The following PISD variants were observed in gnomAD, a reference collection of about 807,000 sequenced individuals.
PISD encodes the protein phosphatidylserine decarboxylase.
PISD carries 31 observed loss-of-function variants against 43.5 expected under a neutral mutation model. The observed-to-expected ratio is 0.71, with a 90% CI of 0.54 to 0.96. PISD has a LOEUF of 0.96. Ranked by LOEUF, PISD falls within the 40% of genes least tolerant of loss-of-function variation. The pLI is 0.00. For missense variants in PISD, 523 were observed against 548.4 expected, an observed-to-expected ratio of 0.95 and a Z score of 0.46; for synonymous variants, 259 against 228.7, an observed-to-expected ratio of 1.13 and a Z score of -1.20.
intron 3 of PISD, among the ~76,000 whole-genome samples, chr22:31,642,241 G>A (rs1026062805): frequency 6.7e-6 from 1 of 149,982 alleles, no homozygotes; most frequent in Admixed American, 6.6e-5. Context: ...TGGGAGGATC[G>A]CTTGAGACCA....
chr22:31,626,490 C>G (rs2072913987), intron 3 of PISD, among the ~76,000 whole-genome samples: 1 of 151,706 alleles, frequency 6.6e-6, no homozygotes, highest in African/African-American at 2.4e-5. Context: ...TGGCATCTTA[C>G]CTGCTCTGGC....
At chr22:31,625,769 G>T in intron 3 of PISD, 2 of 1,590,282 alleles carry the variant, frequency 1.3e-6, no homozygotes, top group Admixed American at 1.8e-5. Context: ...TCACCATTTC[G>T]CCGCGCGGAG....
intron 3 of PISD, among the ~76,000 whole-genome samples, chr22:31,632,460 C>T (rs948523047): frequency 6.6e-6 from 1 of 152,182 alleles, no homozygotes; most frequent in East Asian, 1.9e-4. Flanking sequence ...GTCATCATAA[C>T]ACTGATGAGA....
intron 3 of PISD, chr22:31,626,042 C>G: frequency 7.0e-7 from 1 of 1,427,188 alleles, no homozygotes; most frequent in Non-Finnish European, 9.1e-7. Context: ...AGGCACTGGT[C>G]ACACACCTGC....
At chr22:31,624,176 A>T (rs2072747294) in intron 3 of PISD, among the ~76,000 whole-genome samples, 1 of 152,154 alleles carries the variant, frequency 6.6e-6, no homozygotes, top group Admixed American at 6.5e-5. Flanking sequence ...CAGCTGCAGC[A>T]GCTCCCAGCA....
rs1184707053 is a variant in PISD at position 31,621,427 on chromosome 22, T to C, written c.604A>G (p.Asn202Asp). The change falls in exon 5 of 8, where the codon AAC becomes GAC. Residue 202 changes from asparagine (N) to aspartate (D), a missense_variant. Asn to Asp is a conservative substitution (Grantham distance 23). Transcript: ENST00000439502. ...GRILNFGQVK[N>D]CEVEQVKGVT... ...CCCTTTACCTGCTCCACCTCACAGT[T>C]CTTCACCTGCCCAAAGTTGAGGATC... 7 of 1,613,960 alleles carry C rather than the reference T, an allele frequency of 4.3e-6. No individual in the cohort carries two copies. In the African/African-American group the frequency reaches 8.0e-5, roughly 18 times the overall value.
At chr22:31,644,138 T>C (rs1260226237) in intron 3 of PISD, among the ~76,000 whole-genome samples, 1 of 152,132 alleles carries the variant, frequency 6.6e-6, no homozygotes. Flanking sequence ...CAAGCTGGCT[T>C]ATCATCAGAA....
intron 3 of PISD, chr22:31,629,063 C>T (rs895393805): frequency 1.3e-5 from 13 of 985,380 alleles, no homozygotes; most frequent in Non-Finnish European, 1.6e-5. Context: ...TTTGGGGATC[C>T]ATACCAGAGC....
intron 3 of PISD, among the ~76,000 whole-genome samples, chr22:31,637,418 T>C (rs568573681): frequency 6.6e-6 from 1 of 151,604 alleles, no homozygotes; most frequent in Non-Finnish European, 1.5e-5. Flanking sequence ...AGAGGTTACA[T>C]ATTTACCATT....
intron 1 of PISD, among the ~76,000 whole-genome samples, chr22:31,659,678 G>A (rs1431802065): frequency 2.0e-5 from 3 of 151,610 alleles, no homozygotes; most frequent in South Asian, 4.2e-4. Context: ...TGCAACTTCC[G>A]CCTCCCGGGT....
At chr22:31,649,485 G>A (rs2073977379) in intron 2 of PISD, among the ~76,000 whole-genome samples, 1 of 152,074 alleles carries the variant, frequency 6.6e-6, no homozygotes, top group South Asian at 2.1e-4. Context: ...TGTAATCCCA[G>A]GACTTTGGGA....
In PISD at chr22:31,618,727, C is replaced by T; in HGVS notation, c.*885G>A. 1 of 267,654 alleles carries T rather than the reference C, an allele frequency of 3.7e-6. No individual in the cohort carries two copies. The highest frequency in any genetic ancestry group is 7.0e-6 in the Non-Finnish European group (1 of 142,140). 16.6% of individuals were successfully genotyped at this position (267,654 alleles called of 1,614,324 possible). On this transcript the variant is annotated 3_prime_UTR_variant, in exon 8 of 8. Coordinates refer to ENST00000439502, the MANE Select transcript of PISD (RefSeq NM_001326411.2). ...TCCTGATAAACTGGGACAGGTTTTC[C>T]AGGCACTGACCAACTATCCACCAAG...
Position 31,619,489 on chromosome 22 carries a change from G to C in PISD, c.*123C>G, listed in dbSNP as rs914875842. ...TAGCCGAATCATTCAAGTCCTACCT[G>C]GTCAGACTCCCAACCACGCTGAGGC... On this transcript the variant is annotated 3_prime_UTR_variant, in exon 8 of 8. Transcript: ENST00000439502. 4.0e-6 allele frequency: 3 copies of C among 747,406 alleles called. No individual in the cohort carries two copies. The highest frequency in any genetic ancestry group is 3.0e-5 in the South Asian group (2 of 67,718). 46.3% of individuals were successfully genotyped at this position (747,406 alleles called of 1,614,324 possible).
Position 31,630,936 on chromosome 22 carries a change from C to A in PISD, c.322-9051G>T. 1 of 881,444 alleles carries A rather than the reference C, an allele frequency of 1.1e-6. No homozygotes were observed. Among genetic ancestry groups the A allele is most frequent in the Middle Eastern group, 5.7e-4 (1 of 1,746 alleles). 54.6% of individuals were successfully genotyped at this position (881,444 alleles called of 1,614,324 possible). A position where few individuals can be genotyped will look rare whatever the true frequency, so the allele number is the denominator to read the frequency against. On this transcript the variant is annotated intron_variant, in intron 3 of 7. Transcript: ENST00000439502. The surrounding 1 kb of genome is among the most constrained non-coding windows in gnomAD (Gnocchi z 4.4). The stretch of plus-strand genomic sequence containing the variant: ...AGGGGCGGGGGCAGGAGGCCGACCC[C>A]AGCCACCCTTAAAGCTGCCGCCCCC...
Position 31,630,826 on chromosome 22 carries a change from G to A in PISD, c.322-8941C>T, listed in dbSNP as rs1366406816. ...CACCCGCAGGTGGCTCCAGCTTCCG[G>A]GCTCCGACTCCCTAGGGGCGCTCCC... On this transcript the variant is annotated intron_variant, in intron 3 of 7. Transcript: ENST00000439502. The surrounding 1 kb of genome is among the most constrained non-coding windows in gnomAD (Gnocchi z 4.4). The A allele has an allele frequency of 1.2e-5, 12 of 985,384 alleles. No individual in the cohort carries two copies. Among genetic ancestry groups the A allele is most frequent in the African/African-American group, 1.7e-5 (1 of 57,242 alleles). The allele number at this position is 985,384 out of a possible 1,614,324, so 61.0% of individuals were successfully genotyped here. A position where few individuals can be genotyped will look rare whatever the true frequency, so the allele number is the denominator to read the frequency against.
intron 2 of PISD, 44 bp from the exon 3 acceptor site, chr22:31,648,320 T>A: frequency 4.6e-6 from 7 of 1,523,016 alleles, no homozygotes; most frequent in Non-Finnish European, 6.2e-6. Flanking sequence ...GAGACAGGAA[T>A]AGGGAAGAGT....
chr22:31,661,992 T>C (rs956626919), intron 1 of PISD, among the ~76,000 whole-genome samples, 152 bp downstream of exon 1: 2 of 152,086 alleles, frequency 1.3e-5, no homozygotes, highest in African/African-American at 4.8e-5. Flanking sequence ...GCAGGAGCAG[T>C]CGCACCTGCT....
Position 31,619,199 on chromosome 22 carries a change from C to T in PISD, c.*413G>A, listed in dbSNP as rs1288234192. On this transcript the variant is annotated 3_prime_UTR_variant, in exon 8 of 8. Transcript: ENST00000439502. ...GGCACCTCACCCTGTGCAGCAGGAG[C>T]GTTAAGGCCAAAAAACAAAAGGGGC... 10 of 320,864 alleles carry T rather than the reference C, an allele frequency of 3.1e-5. No individual in the cohort carries two copies. The highest frequency in any genetic ancestry group is 8.8e-5 in the African/African-American group (4 of 45,708). The allele number at this position is 320,864 out of a possible 1,614,324, so 19.9% of individuals were successfully genotyped here.
chr22:31,646,335 G>A (rs1380578321), intron 3 of PISD, among the ~76,000 whole-genome samples: 1 of 152,148 alleles, frequency 6.6e-6, no homozygotes, highest in Non-Finnish European at 1.5e-5. Context: ...GGTGCTTTGA[G>A]ATCTCACACT....
Sources: gnomAD v4.1 joint callset for allele counts (sites outside exome capture counted in the v4.1 genomes callset) on GRCh38, gnomAD v4.1.1 for gene constraint, Gnocchi (gnomAD v3.1) non-coding constraint, MANE v1.5 for transcripts, NCBI Gene and HGNC (gene_info 2026-07-23, HGNC 2026-07-21) for gene names.